WDR48: variants seen among roughly 807,000 people sequenced by gnomAD.
WDR48 encodes the protein WD repeat domain 48, also known as WD repeat-containing protein 48.
WDR48 carries 22 observed loss-of-function variants against 94.0 expected under a neutral mutation model. That is an observed-to-expected ratio of 0.23 (90% CI 0.17 to 0.33). WDR48 has a LOEUF of 0.33. Ranked by LOEUF, WDR48 falls within the 10% of genes least tolerant of loss-of-function variation. WDR48 has a pLI of 1.00. For missense variants in WDR48, 541 were observed against 813.8 expected, an observed-to-expected ratio of 0.66 and a Z score of 4.08; for synonymous variants, 278 against 280.5, an observed-to-expected ratio of 0.99 and a Z score of 0.09.
chr3:39,054,426 C>T (rs1023614403), intron 1 of WDR48, among the ~76,000 whole-genome samples: 1 of 152,184 alleles, frequency 6.6e-6, no homozygotes, highest in African/African-American at 2.4e-5. Context: ...TGTCTCCAGA[C>T]ATTTTCAAAT....
chr3:39,084,062 C>T (rs1368391988), intron 11 of WDR48, 93 bp from the exon 12 acceptor site: 1 of 849,366 alleles, frequency 1.2e-6, no homozygotes, highest in South Asian at 2.5e-5. Flanking sequence ...CACTTAGACA[C>T]ATGTGAAAAT....
At position 39,089,288 on chromosome 3, in the gene WDR48, G is replaced by A; in HGVS notation, c.1638G>A (p.Val546=). The change falls in exon 16 of 19, where the codon GTG becomes GTA. Residue 546 remains valine, a synonymous_variant. Transcript: ENST00000302313. ...ETESMLLNET[V]PQWVIDITVD... ...AGTCTATGCTTCTTAATGAAACAGT[G>A]CCACAATGGGTAATTGACATCACTG... The A allele has an allele frequency of 1.2e-6, 2 of 1,613,366 alleles. No homozygotes were observed. Among genetic ancestry groups the A allele is most frequent in the East Asian group, 2.2e-5 (1 of 44,870 alleles).
chr3:39,093,562 C>G (rs1432150729), intron 17 of WDR48, among the ~76,000 whole-genome samples: 2 of 152,156 alleles, frequency 1.3e-5, no homozygotes, highest in East Asian at 3.8e-4. Context: ...TCTTGAACTC[C>G]TGATCTGAAG....
Position 39,078,136 on chromosome 3 carries a change from G to T in WDR48, c.973-1G>T. On this transcript the variant is annotated splice_acceptor_variant, in intron 9 of 18. Coordinates refer to ENST00000302313, the MANE Select transcript of WDR48 (RefSeq NM_020839.4). LOFTEE classifies it high-confidence loss of function. ...TCAAATAACAAATTTTGTAATTTTA[G>T]ACTTTGAAAGGAATTCATAATTTTA... 6.2e-7 allele frequency: 1 copy of T among 1,605,562 alleles called. No homozygotes were observed. The highest frequency in any genetic ancestry group is 1.1e-5 in the South Asian group (1 of 90,396).
chr3:39,078,978 C>T lies in WDR48; in HGVS notation c.1076-733C>T, dbSNP rs1457627924. On this transcript the variant is annotated intron_variant, in intron 10 of 18. Coordinates refer to ENST00000302313, the MANE Select transcript of WDR48 (RefSeq NM_020839.4). ...CCGGGAGGCGGAGCTTGCAGTGAGC[C>T]GAGATCCCGCCACTGCACTCCAGCC... 2.4e-3 allele frequency among the ~76,000 whole-genome samples: 357 copies of T among 148,744 alleles called. 2 individuals are homozygous for T. The highest frequency in any genetic ancestry group is 8.3e-3 in the African/African-American group (337 of 40,370).
intron 13 of WDR48, 26 bp from the exon 14 acceptor site, chr3:39,085,489 T>C (rs1309551183): frequency 1.7e-5 from 26 of 1,572,686 alleles, no homozygotes; most frequent in Non-Finnish European, 2.1e-5. Flanking sequence ...TTCCATTTTA[T>C]CTCTTTTTAA....
intron 8 of WDR48, among the ~76,000 whole-genome samples, chr3:39,075,691 C>G (rs527539720): frequency 6.6e-6 from 1 of 151,874 alleles, no homozygotes; most frequent in African/African-American, 2.4e-5. Flanking sequence ...GAAGAAGTTT[C>G]CAAAATTTTT....
intron 11 of WDR48, among the ~76,000 whole-genome samples, chr3:39,080,193 G>A (rs1412234606): frequency 6.6e-6 from 1 of 152,158 alleles, no homozygotes; most frequent in African/African-American, 2.4e-5. Context: ...GTAGTTGCCA[G>A]TAATACCCCT....
At chr3:39,052,462 G>C (rs944068591) in intron 1 of WDR48, 13 of 196,362 alleles carry the variant, frequency 6.6e-5, no homozygotes, top group Non-Finnish European at 9.5e-5. Flanking sequence ...GGTTTCCCAG[G>C]GGGGTGGGCG....
chr3:39,073,963 G>A lies in WDR48; in HGVS notation c.673-763G>A, dbSNP rs540775607. ...CCTAGTGCAGTGTTTGTCAAAGATA[G>A]TGAACATCAGAATCACCTGGAGAGC... On this transcript the variant is annotated intron_variant, in intron 7 of 18. Transcript: ENST00000302313. Among the ~76,000 whole-genome samples the A allele has an allele frequency of 1.6e-4, 25 of 152,306 alleles. 1 individual carries two copies. Among genetic ancestry groups the A allele is most frequent in the Admixed American group, 1.4e-3 (21 of 15,302 alleles).
intron 2 of WDR48, among the ~76,000 whole-genome samples, 175 bp downstream of exon 2, chr3:39,063,365 A>T (rs894411285): frequency 1.1e-4 from 16 of 152,202 alleles, no homozygotes; most frequent in Admixed American, 9.2e-4. Flanking sequence ...AACCATCCCT[A>T]GGAAAGTTTC....
intron 11 of WDR48, among the ~76,000 whole-genome samples, chr3:39,080,783 AG>A (rs2034494671): frequency 6.6e-6 from 1 of 152,190 alleles, no homozygotes; most frequent in African/African-American, 2.4e-5. Context: ...GCATAATGGG[AG>A]TAGAAGGAAG....
At chr3:39,093,262 C>G (rs2035180435) in intron 17 of WDR48, among the ~76,000 whole-genome samples, 1 of 152,212 alleles carries the variant, frequency 6.6e-6, no homozygotes, top group Non-Finnish European at 1.5e-5. Flanking sequence ...CTGGTAAGCA[C>G]TGGGAGCTGC....
intron 1 of WDR48, among the ~76,000 whole-genome samples, chr3:39,058,949 C>T (rs760668648): frequency 5.9e-5 from 9 of 152,006 alleles, no homozygotes; most frequent in Non-Finnish European, 1.2e-4. Context: ...ATAGCAGGCA[C>T]CTGTAATCTA....
rs940415539 is a variant in WDR48 at position 39,076,994 on chromosome 3, C to G, written c.898-145C>G. ...CAAAGAAAAAGACTCTCTCATTTTTCTGTGCATCCTTAGTTTTTCACACAT... is the reference window on the plus strand; with the variant it reads ...CAAAGAAAAAGACTCTCTCATTTTTGTGTGCATCCTTAGTTTTTCACACAT... On this transcript the variant is annotated intron_variant, in intron 8 of 18. Coordinates refer to ENST00000302313, the MANE Select transcript of WDR48 (RefSeq NM_020839.4). The G allele has an allele frequency of 6.8e-5, 54 of 790,958 alleles. 1 individual carries two copies. Among genetic ancestry groups the G allele is most frequent in the Non-Finnish European group, 9.6e-5 (47 of 490,420 alleles). 49.0% of individuals were successfully genotyped at this position (790,958 alleles called of 1,614,324 possible). A position where few individuals can be genotyped will look rare whatever the true frequency, so the allele number is the denominator to read the frequency against.
At chr3:39,075,802 T>C (rs2034193760) in intron 8 of WDR48, among the ~76,000 whole-genome samples, 1 of 151,918 alleles carries the variant, frequency 6.6e-6, no homozygotes, top group Non-Finnish European at 1.5e-5. Context: ...AATGCCATTC[T>C]CCTGCCTCAG....
chr3:39,052,077 T>A lies in WDR48; in HGVS notation c.48+4T>A. 1 of 1,613,602 alleles carries A rather than the reference T, an allele frequency of 6.2e-7. No homozygotes were observed. The highest frequency in any genetic ancestry group is 8.5e-7 in the Non-Finnish European group (1 of 1,179,854). ...AGCAGGGCGGAGGAAAGTGCAGGTA[T>A]GGAAGCCCGGTTCCTCGGTCTTCCG... is the stretch of plus-strand genomic sequence containing the variant. On this transcript the variant is annotated splice_donor_region_variant and intron_variant, in intron 1 of 18. Coordinates refer to ENST00000302313, the MANE Select transcript of WDR48 (RefSeq NM_020839.4).
chr3:39,082,275 A>G (rs1311621785), intron 11 of WDR48, among the ~76,000 whole-genome samples: 1 of 150,620 alleles, frequency 6.6e-6, no homozygotes, highest in Non-Finnish European at 1.5e-5. Flanking sequence ...AACAAGAGTG[A>G]TACTTTTTTT....
intron 15 of WDR48, among the ~76,000 whole-genome samples, 174 bp downstream of exon 15, chr3:39,088,407 A>C (rs1268252490): frequency 2.0e-5 from 3 of 152,308 alleles, no homozygotes; most frequent in Middle Eastern, 3.4e-3. Context: ...CTGCTGTTAG[A>C]CCACATTCTA....
Sources: allele counts gnomAD v4.1 joint callset (sites outside exome capture counted in the v4.1 genomes callset), GRCh38; gene constraint gnomAD v4.1.1; transcripts MANE v1.5; gene names NCBI Gene and HGNC (gene_info 2026-07-23, HGNC 2026-07-21).